ARHGAP26: variants seen among roughly 807,000 people sequenced by gnomAD.
The protein encoded by ARHGAP26 is Rho GTPase activating protein 26.
Under a neutral mutation model 104.8 loss-of-function variants are expected in ARHGAP26, and 38 were observed. The ratio of observed to expected loss-of-function variants is 0.36; its 90% CI spans 0.28 to 0.48. ARHGAP26 has a LOEUF of 0.48. ARHGAP26 is among the 20% of genes least tolerant of loss of function. The probability of loss-of-function intolerance (pLI) is 0.99; values close to 1 mark genes in which losing one functional copy is unlikely to be tolerated. For missense variants in ARHGAP26, 704 were observed against 947.9 expected (o/e 0.74, Z 3.38); for synonymous variants, 341 against 340.0 (o/e 1.00, Z -0.03).
At chr5:142,772,477 A>G (rs1755412967) in intron 1 of ARHGAP26, among the ~76,000 whole-genome samples, 1 of 152,206 alleles carries the variant, frequency 6.6e-6, no homozygotes, top group Non-Finnish European at 1.5e-5. Flanking sequence ...TCACTCAGCA[A>G]ACTTTTGGTG....
At chr5:143,177,425 G>A (rs1803630568) in intron 20 of ARHGAP26, among the ~76,000 whole-genome samples, 2 of 152,266 alleles carry the variant, frequency 1.3e-5, no homozygotes, top group East Asian at 1.9e-4. Flanking sequence ...AGGACTCATC[G>A]AATGCCAAGA....
intron 17 of ARHGAP26, among the ~76,000 whole-genome samples, chr5:143,104,736 A>G (rs888975736): frequency 6.6e-5 from 10 of 152,232 alleles, no homozygotes; most frequent in African/African-American, 9.6e-5. Context: ...CACCATAACA[A>G]TGTTGAGTGA....
At chr5:143,134,805 T>C (rs549616349) in intron 19 of ARHGAP26, among the ~76,000 whole-genome samples, 9 of 152,356 alleles carry the variant, frequency 5.9e-5, no homozygotes, top group African/African-American at 2.2e-4. Context: ...ATCTGTAAAA[T>C]AGGGATAATA....
intron 19 of ARHGAP26, among the ~76,000 whole-genome samples, chr5:143,136,622 G>C (rs3776288): frequency 0.015 from 2,257 of 152,184 alleles, 54 homozygotes; most frequent in African/African-American, 0.05. Context: ...GGCACCCTGT[G>C]GGGGGGCAGT....
rs576837742 is a variant in ARHGAP26, at chr5:143,115,309, CACG to C, written c.1539-5676_1539-5674del. Among the ~76,000 whole-genome samples the C allele has an allele frequency of 4.6e-5, 7 of 151,070 alleles. No homozygotes were observed. The South Asian group carries it at 1.5e-3, about 31-fold the overall frequency. ...GATCACGCCATTGCACTCCAGCCTG[CACG>C]ACAAGAGTGAAACTTAATCTCAAAA... On this transcript the variant is annotated intron_variant, in intron 17 of 22. Transcript: ENST00000645722.
chr5:142,796,355 G>A (rs1466016083), intron 1 of ARHGAP26, among the ~76,000 whole-genome samples: 1 of 152,134 alleles, frequency 6.6e-6, no homozygotes, highest in Non-Finnish European at 1.5e-5. Flanking sequence ...TCTTAGGACC[G>A]TAGTTCTCTT....
At chr5:143,004,296 A>G (rs1480037249) in intron 11 of ARHGAP26, among the ~76,000 whole-genome samples, 1 of 152,156 alleles carries the variant, frequency 6.6e-6, no homozygotes, top group Non-Finnish European at 1.5e-5. Flanking sequence ...AGTCCTTCTC[A>G]GGCCATATTT....
intron 17 of ARHGAP26, among the ~76,000 whole-genome samples, chr5:143,081,785 C>T (rs12657072): frequency 0.019 from 2,878 of 152,076 alleles, 70 homozygotes; most frequent in East Asian, 0.089. Context: ...AGGCCGAGGC[C>T]GGCGGATCAC....
At chr5:143,092,967 C>G (rs553919860) in intron 17 of ARHGAP26, among the ~76,000 whole-genome samples, 1 of 152,346 alleles carries the variant, frequency 6.6e-6, no homozygotes, top group East Asian at 1.9e-4. Context: ...ATCTATCGTC[C>G]TGTCCTGAAG....
chr5:143,074,075 T>C (rs182462790), intron 17 of ARHGAP26, among the ~76,000 whole-genome samples: 4 of 152,294 alleles, frequency 2.6e-5, no homozygotes, highest in Admixed American at 6.5e-5. Context: ...GGTAAAACTT[T>C]TTATCTTAAA....
At chr5:142,919,473 AG>A (rs1468292053) in intron 10 of ARHGAP26, 1 of 398,186 alleles carries the variant, frequency 2.5e-6, no homozygotes, top group Admixed American at 4.4e-5. Context: ...TTGTTACGGC[AG>A]CCCCAGGAAA....
intron 11 of ARHGAP26, among the ~76,000 whole-genome samples, chr5:142,957,052 C>T (rs1218184403): frequency 1.3e-5 from 2 of 152,054 alleles, no homozygotes; most frequent in African/African-American, 4.8e-5. Flanking sequence ...GAATTGTGTA[C>T]GTTGTCATAG....
intron 11 of ARHGAP26, among the ~76,000 whole-genome samples, chr5:142,957,794 T>G (rs1769503622): frequency 1.3e-5 from 2 of 152,226 alleles, no homozygotes; most frequent in Non-Finnish European, 1.5e-5. Context: ...AAGGAAAACT[T>G]CTGCCTATCA....
intron 19 of ARHGAP26, among the ~76,000 whole-genome samples, chr5:143,142,160 A>G (rs1453867019): frequency 1.7e-5 from 1 of 58,206 alleles, no homozygotes; most frequent in Non-Finnish European, 2.9e-5. Flanking sequence ...TTTTTTTGAG[A>G]CAGTCTTGCT....
chr5:143,051,288 G>A (rs246651), intron 14 of ARHGAP26, among the ~76,000 whole-genome samples: 4 of 152,088 alleles, frequency 2.6e-5, no homozygotes, highest in Non-Finnish European at 5.9e-5. Context: ...GACGTTCTCC[G>A]CTTATAACCA....
intron 1 of ARHGAP26, among the ~76,000 whole-genome samples, chr5:142,846,602 T>A (rs1455628698): frequency 1.2e-4 from 18 of 152,198 alleles, no homozygotes. Context: ...ACTCCTCTGC[T>A]GTGACCACCC....
intron 1 of ARHGAP26, among the ~76,000 whole-genome samples, chr5:142,853,201 T>C (rs1319057865): frequency 6.6e-6 from 1 of 152,134 alleles, no homozygotes; most frequent in Non-Finnish European, 1.5e-5. Context: ...TTATTATTTT[T>C]TGAGACAGGG....
chr5:142,993,669 C>T lies in ARHGAP26; in HGVS notation c.1108-20411C>T, dbSNP rs191458596. Reference sequence around the variant, plus strand: ...TTTTCTTTTTTTTGAGACAGGGCCTCGCTCTGTCACCCAGACTGGAGTGCC... The same window carrying T: ...TTTTCTTTTTTTTGAGACAGGGCCTTGCTCTGTCACCCAGACTGGAGTGCC... On this transcript the variant is annotated intron_variant, in intron 11 of 22. Coordinates refer to ENST00000645722, the MANE Select transcript of ARHGAP26 (RefSeq NM_001135608.3). Among the ~76,000 whole-genome samples, 280 of 151,972 alleles carry T rather than the reference C, an allele frequency of 1.8e-3. 1 individual carries two copies. The highest frequency in any genetic ancestry group is 6.2e-3 in the African/African-American group (257 of 41,446).
intron 11 of ARHGAP26, among the ~76,000 whole-genome samples, chr5:142,959,256 A>G (rs538362936): frequency 6.6e-6 from 1 of 152,362 alleles, no homozygotes; most frequent in South Asian, 2.1e-4. Flanking sequence ...CAAACTTACT[A>G]GACACTCACT....
Sources: allele counts gnomAD v4.1 joint callset (sites outside exome capture counted in the v4.1 genomes callset), GRCh38; gene constraint gnomAD v4.1.1; transcripts MANE v1.5; gene names NCBI Gene and HGNC (gene_info 2026-07-23, HGNC 2026-07-21).